Variants in MAPK4 observed in about 807,000 individuals in gnomAD.
MAPK4 encodes Erk3-related.
MAPK4 carries 22 observed loss-of-function variants against 47.7 expected under a neutral mutation model. The observed-to-expected ratio is 0.46, with a 90% CI of 0.33 to 0.66. The LOEUF is 0.66. MAPK4 is among the 30% of genes least tolerant of loss of function. MAPK4 has a pLI of 0.02. For synonymous variants in MAPK4, 390 were observed against 365.7 expected (o/e 1.07, Z -0.76); for missense variants, 736 against 831.7 (o/e 0.88, Z 1.42).
chr18:50,570,754 A>G (rs573183810), intron 1 of MAPK4, among the ~76,000 whole-genome samples: 2 of 152,260 alleles, frequency 1.3e-5, no homozygotes, highest in South Asian at 4.2e-4. Flanking sequence ...CAGCAGCCAC[A>G]TCTATTTTCC....
At chr18:50,719,953 C>T (rs1475852788) in intron 3 of MAPK4, among the ~76,000 whole-genome samples, 2 of 152,224 alleles carry the variant, frequency 1.3e-5, no homozygotes, top group African/African-American at 2.4e-5. Context: ...GGAACACCTT[C>T]CCCGGAAGTC....
intron 1 of MAPK4, among the ~76,000 whole-genome samples, chr18:50,652,993 G>A (rs1284623623): frequency 6.6e-6 from 1 of 152,054 alleles, no homozygotes; most frequent in Non-Finnish European, 1.5e-5. Flanking sequence ...ACCAGCCTGG[G>A]TAACATGATG....
chr18:50,583,101 T>A (rs1186065301), intron 1 of MAPK4, among the ~76,000 whole-genome samples: 1 of 151,704 alleles, frequency 6.6e-6, no homozygotes, highest in Admixed American at 6.6e-5. Context: ...AGGGAGTGAG[T>A]AAGGGAGAGA....
In MAPK4 at chr18:50,667,615, C is replaced by T. The variant is rs114029357; in HGVS notation, c.546+3111C>T. Among the ~76,000 whole-genome samples, 553 of 152,324 alleles carry T rather than the reference C, an allele frequency of 3.6e-3. 5 individuals carry two copies. The highest frequency in any genetic ancestry group is 0.013 in the African/African-American group (521 of 41,570). On this transcript the variant is annotated intron_variant, in intron 2 of 5. Transcript: ENST00000400384. ...AAGAAGACCATGCTCACCTGGGCTG[C>T]AGCGAGTGCCTTTGTGTGGGACAAA...
At chr18:50,564,778 C>T (rs2042184431) in intron 1 of MAPK4, among the ~76,000 whole-genome samples, 1 of 152,130 alleles carries the variant, frequency 6.6e-6, no homozygotes, top group African/African-American at 2.4e-5. Context: ...GTAGCAGAAC[C>T]GCCATTACCC....
At chr18:50,700,214 A>G (rs910764629) in intron 2 of MAPK4, among the ~76,000 whole-genome samples, 1 of 152,190 alleles carries the variant, frequency 6.6e-6, no homozygotes, top group Non-Finnish European at 1.5e-5. Flanking sequence ...TAAGTCAGAT[A>G]TGGTTCCAGG....
In MAPK4 at chr18:50,664,366, G is replaced by T. The variant is rs373807658; in HGVS notation, c.408G>T (p.Gly136=). The change falls in exon 2 of 6, where the codon GGG becomes GGT. Residue 136 remains glycine, a synonymous_variant. Coordinates refer to ENST00000400384, the MANE Select transcript of MAPK4 (RefSeq NM_002747.4). This position sits in a 1 kb window ranked among gnomAD's most constrained non-coding sequence, Gnocchi z 6.0. ...TGTTCATGTACCAGCTGCTCCGCGGGCTCAAGTACATCCACTCCGCCAACG... is the reference window on the plus strand; with the variant it reads ...TGTTCATGTACCAGCTGCTCCGCGGTCTCAAGTACATCCACTCCGCCAACG... ...AKLFMYQLLR[G]LKYIHSANVL... is the part of the protein sequence containing the mutation. 1.9e-4 allele frequency: 309 copies of T among 1,613,808 alleles called. No individual in the cohort carries two copies. Among genetic ancestry groups the T allele is most frequent in the Non-Finnish European group, 2.5e-4 (294 of 1,180,042 alleles).
chr18:50,701,959 GAGACC>G (rs1188990572), intron 2 of MAPK4, among the ~76,000 whole-genome samples: 2 of 151,906 alleles, frequency 1.3e-5, no homozygotes, highest in Admixed American at 6.6e-5. Context: ...TCAGGAGTTT[GAGACC>G]AGCCTGGGCA....
chr18:50,703,777 A>G (rs1909908745), intron 2 of MAPK4, among the ~76,000 whole-genome samples: 1 of 152,242 alleles, frequency 6.6e-6, no homozygotes, highest in African/African-American at 2.4e-5. Flanking sequence ...AATAAGCTTC[A>G]CTGGTTGTTG....
At chr18:50,595,512 A>G (rs898429482) in intron 1 of MAPK4, among the ~76,000 whole-genome samples, 16 of 152,254 alleles carry the variant, frequency 1.1e-4, no homozygotes, top group Admixed American at 5.9e-4. Context: ...GGTAGAAATC[A>G]GAACCGTCAT....
chr18:50,727,257 G>A (rs1432758180), intron 5 of MAPK4, among the ~76,000 whole-genome samples: 6 of 152,226 alleles, frequency 3.9e-5, no homozygotes, highest in Non-Finnish European at 1.5e-5. Context: ...AGAAACAGCA[G>A]TCGAGGGCTC....
intron 1 of MAPK4, among the ~76,000 whole-genome samples, chr18:50,644,557 C>T (rs553540675): frequency 6.6e-6 from 1 of 152,302 alleles, no homozygotes; most frequent in East Asian, 1.9e-4. Flanking sequence ...TCTCCAAGCC[C>T]TGGAAATGGC....
At position 50,729,898 on chromosome 18, in the gene MAPK4, A is replaced by G; in HGVS notation, c.*44A>G. ...AGGCCCCACAGAGCAGGAGACCCCCAGAGAAAGCCGGGGCTGGCAGGAGGC... is the reference window on the plus strand; with the variant it reads ...AGGCCCCACAGAGCAGGAGACCCCCGGAGAAAGCCGGGGCTGGCAGGAGGC... On this transcript the variant is annotated 3_prime_UTR_variant, in exon 6 of 6. Transcript: ENST00000400384. 8 of 1,491,790 alleles carry G rather than the reference A, an allele frequency of 5.4e-6. No homozygotes were observed. Among genetic ancestry groups the G allele is most frequent in the Non-Finnish European group, 7.2e-6 (8 of 1,113,506 alleles). 92.4% of individuals were successfully genotyped at this position (1,491,790 alleles called of 1,614,324 possible).
At chr18:50,717,084 G>T (rs1046705186) in intron 3 of MAPK4, among the ~76,000 whole-genome samples, 2 of 152,112 alleles carry the variant, frequency 1.3e-5, no homozygotes, top group Non-Finnish European at 2.9e-5. Context: ...ACATCATTCT[G>T]GCTGTGAGGC....
rs1215567783 is a variant in MAPK4, at chr18:50,681,751, AT to A, written c.546+17253del. On this transcript the variant is annotated intron_variant, in intron 2 of 5. Coordinates refer to ENST00000400384, the MANE Select transcript of MAPK4 (RefSeq NM_002747.4). Reference sequence around the variant, plus strand: ...AATGTAAGAGTTATTTCTAGACTTCATTTTTTGTTGCTGTATATATCGCTGT... The same window carrying A: ...AATGTAAGAGTTATTTCTAGACTTCATTTTTGTTGCTGTATATATCGCTGT... Among the ~76,000 whole-genome samples the A allele has an allele frequency of 3.9e-5, 6 of 152,258 alleles. No individual in the cohort carries two copies. In the East Asian group the frequency reaches 9.6e-4, roughly 24 times the overall value.
chr18:50,616,405 A>G (rs545037417), intron 1 of MAPK4, among the ~76,000 whole-genome samples: 1 of 152,244 alleles, frequency 6.6e-6, no homozygotes, highest in Non-Finnish European at 1.5e-5. Flanking sequence ...ACTTCTCAGG[A>G]TTGTCCTGAG....
chr18:50,578,382 CAG>C (rs950751224), intron 1 of MAPK4, among the ~76,000 whole-genome samples: 11 of 152,320 alleles, frequency 7.2e-5, no homozygotes, highest in African/African-American at 2.4e-4. Flanking sequence ...GGGCAACCCT[CAG>C]AGTTTCCAAT....
chr18:50,585,676 A>C (rs984636397), intron 1 of MAPK4, among the ~76,000 whole-genome samples: 16 of 152,208 alleles, frequency 1.1e-4, no homozygotes, highest in African/African-American at 3.9e-4. Context: ...GTAAGTAGAT[A>C]TATTAGTCCG....
At chr18:50,692,450 A>G (rs142584845) in intron 2 of MAPK4, among the ~76,000 whole-genome samples, 58 of 152,334 alleles carry the variant, frequency 3.8e-4, no homozygotes, top group African/African-American at 1.2e-3. Context: ...GGACAGTAGC[A>G]GGGACGAGCC....
Sources: gnomAD v4.1 joint callset for allele counts (sites outside exome capture counted in the v4.1 genomes callset) on GRCh38, gnomAD v4.1.1 for gene constraint, Gnocchi (gnomAD v3.1) non-coding constraint, MANE v1.5 for transcripts, NCBI Gene and HGNC (gene_info 2026-07-23, HGNC 2026-07-21) for gene names.